PLEKHB2: variants seen among roughly 807,000 people sequenced by gnomAD.
PLEKHB2 encodes pleckstrin homology domain-containing family B member 2.
In PLEKHB2, 31 loss-of-function variants were observed where a neutral mutation model predicts 36.5. The observed-to-expected ratio is 0.85, with a 90% CI of 0.64 to 1.15. PLEKHB2 has a LOEUF of 1.15. Ranked by LOEUF, PLEKHB2 falls within the 50% of genes most tolerant of loss-of-function variation. The pLI is 0.00. For missense variants in PLEKHB2, 262 were observed against 295.3 expected (o/e 0.89, Z 0.83); for synonymous variants, 119 against 112.0 (o/e 1.06, Z -0.39).
intron 2 of PLEKHB2, among the ~76,000 whole-genome samples, chr2:131,121,651 G>T (rs1696531358): frequency 6.6e-6 from 1 of 152,214 alleles, no homozygotes. Flanking sequence ...CTTATCTGGG[G>T]ATTGAGCAGT....
At position 131,146,854 on chromosome 2, in the gene PLEKHB2, CA is replaced by C; in HGVS notation, c.*85del. 1 of 1,260,602 alleles carries C rather than the reference CA, an allele frequency of 7.9e-7. No individual in the cohort carries two copies. The highest frequency in any genetic ancestry group is 2.4e-5 in the East Asian group (1 of 40,818). The allele number at this position is 1,260,602 out of a possible 1,614,324, so 78.1% of individuals were successfully genotyped here. ...ATTTGCAGGGCATTTCTGTTTGTGA[CA>C]AAAGTTTTTAATAATAGTTTTAATC... is the stretch of plus-strand genomic sequence containing the variant. On this transcript the variant is annotated 3_prime_UTR_variant, in exon 8 of 8. Coordinates refer to ENST00000693505, the MANE Select transcript of PLEKHB2 (RefSeq NM_001100623.2).
chr2:131,132,762 T>A, intron 5 of PLEKHB2, 140 bp from the exon 6 acceptor site: 2 of 527,222 alleles, frequency 3.8e-6, no homozygotes, highest in South Asian at 3.4e-5. Flanking sequence ...ACTGGGGGAG[T>A]TTTTCCTGTT....
chr2:131,122,757 A>T (rs959326203), intron 2 of PLEKHB2, among the ~76,000 whole-genome samples: 1 of 152,320 alleles, frequency 6.6e-6, no homozygotes, highest in South Asian at 2.1e-4. Flanking sequence ...GCTGAACTGT[A>T]TGTCCCCTTG....
At chr2:131,145,954 G>A (rs1014698353) in intron 7 of PLEKHB2, among the ~76,000 whole-genome samples, 1 of 152,016 alleles carries the variant, frequency 6.6e-6, no homozygotes, top group Non-Finnish European at 1.5e-5. Flanking sequence ...AGGCCGACGC[G>A]GGTGGATTAC....
chr2:131,125,901 T>G lies in PLEKHB2; in HGVS notation c.186T>G (p.Cys62Trp). The change falls in exon 3 of 8, where the codon TGT becomes TGG. Residue 62 changes from cysteine to tryptophan, a missense_variant. Cys to Trp is a radical substitution (Grantham distance 215, BLOSUM62 -2). Coordinates refer to ENST00000693505, the MANE Select transcript of PLEKHB2 (RefSeq NM_001100623.2). Reference sequence around the variant, plus strand: ...TCAACATCCGCACGGGGCAGGAATGTCGGGGTAAGCTGGCCTGTCTTGGCC... The same window carrying G: ...TCAACATCCGCACGGGGCAGGAATGGCGGGGTAAGCTGGCCTGTCTTGGCC... ...DCINIRTGQE[C>W]RDTQPPDGKS... 6.2e-7 allele frequency: 1 copy of G among 1,612,272 alleles called. No homozygotes were observed. Among genetic ancestry groups the G allele is most frequent in the Non-Finnish European group, 8.5e-7 (1 of 1,179,560 alleles).
chr2:131,126,866 G>A, intron 4 of PLEKHB2, 80 bp downstream of exon 4: 2 of 813,826 alleles, frequency 2.5e-6, no homozygotes, highest in Admixed American at 4.4e-5. Context: ...TGAAAAGAAA[G>A]GGCGTGGAGT....
intron 3 of PLEKHB2, among the ~76,000 whole-genome samples, chr2:131,126,449 C>T (rs1299446459): frequency 6.6e-6 from 1 of 152,122 alleles, no homozygotes; most frequent in African/African-American, 2.4e-5. Flanking sequence ...TTGCTTGAAC[C>T]CGGGAGTCAG....
At chr2:131,137,169 G>A (rs991408244) in intron 6 of PLEKHB2, among the ~76,000 whole-genome samples, 2 of 149,000 alleles carry the variant, frequency 1.3e-5, no homozygotes, top group Non-Finnish European at 2.9e-5. Flanking sequence ...GGACGGTCTC[G>A]ATCTCCTGAC....
At chr2:131,131,512 G>A (rs984642296) in intron 5 of PLEKHB2, among the ~76,000 whole-genome samples, 1 of 152,164 alleles carries the variant, frequency 6.6e-6, no homozygotes, top group African/African-American at 2.4e-5. Flanking sequence ...ATCTGTCAGT[G>A]ATCAAGGGAG....
intron 1 of PLEKHB2, among the ~76,000 whole-genome samples, chr2:131,110,133 T>C (rs1328884210): frequency 2.6e-5 from 4 of 152,074 alleles, no homozygotes; most frequent in Non-Finnish European, 4.4e-5. Flanking sequence ...AAAATAGTAT[T>C]TTATCTTTGT....
At chr2:131,133,147 A>G (rs1697890083) in intron 6 of PLEKHB2, 156 bp downstream of exon 6, 1 of 611,490 alleles carries the variant, frequency 1.6e-6, no homozygotes, top group Non-Finnish European at 3.0e-6. Context: ...CATGAAATGA[A>G]GCAACTATTT....
intron 1 of PLEKHB2, among the ~76,000 whole-genome samples, chr2:131,106,054 C>G (rs928436076): frequency 6.6e-6 from 1 of 152,156 alleles, no homozygotes; most frequent in African/African-American, 2.4e-5. Context: ...GCTTGGTGTA[C>G]CTTATCTTAC....
At chr2:131,106,057 T>C (rs1211274246) in intron 1 of PLEKHB2, among the ~76,000 whole-genome samples, 1 of 152,172 alleles carries the variant, frequency 6.6e-6, no homozygotes, top group African/African-American at 2.4e-5. Flanking sequence ...TGGTGTACCT[T>C]ATCTTACATA....
At chr2:131,122,942 C>T (rs1010856582) in intron 2 of PLEKHB2, among the ~76,000 whole-genome samples, 5 of 152,156 alleles carry the variant, frequency 3.3e-5, no homozygotes, top group Admixed American at 2.0e-4. Context: ...GGTGTGCCCT[C>T]CTTTGGCCCT....
At chr2:131,141,089 C>T (rs1221591349) in intron 7 of PLEKHB2, among the ~76,000 whole-genome samples, 1 of 152,134 alleles carries the variant, frequency 6.6e-6, no homozygotes. Flanking sequence ...GTACCAGAAA[C>T]GTGGGTCACT....
intron 6 of PLEKHB2, among the ~76,000 whole-genome samples, chr2:131,139,555 C>T (rs1381445858): frequency 6.6e-6 from 1 of 152,160 alleles, no homozygotes. Context: ...CAAGGAAGGC[C>T]AGTCTTTGAT....
intron 6 of PLEKHB2, among the ~76,000 whole-genome samples, chr2:131,139,651 G>A (rs1428909284): frequency 6.6e-6 from 1 of 152,172 alleles, no homozygotes; most frequent in Non-Finnish European, 1.5e-5. Context: ...TTTCATAGGT[G>A]TGTGCAGCCA....
chr2:131,132,530 G>A lies in PLEKHB2; in HGVS notation c.334-372G>A, dbSNP rs956163610. On this transcript the variant is annotated intron_variant, in intron 5 of 7. Coordinates refer to ENST00000693505, the MANE Select transcript of PLEKHB2 (RefSeq NM_001100623.2). ...CCTAGGCTGGCCTTGGAACTCCTGG[G>A]CTCTAGTGATCCTCTCACCCAGCCT... Among the ~76,000 whole-genome samples, 8 of 152,044 alleles carry A rather than the reference G, an allele frequency of 5.3e-5. No homozygotes were observed. The East Asian group carries it at 1.5e-3, about 29-fold the overall frequency.
At chr2:131,131,488 G>C (rs960676785) in intron 5 of PLEKHB2, among the ~76,000 whole-genome samples, 1 of 152,096 alleles carries the variant, frequency 6.6e-6, no homozygotes, top group Non-Finnish European at 1.5e-5. Context: ...GTAGAGCCTC[G>C]TAATGCTGTC....
Sources: gnomAD v4.1 joint callset for allele counts (sites outside exome capture counted in the v4.1 genomes callset) on GRCh38, gnomAD v4.1.1 for gene constraint, MANE v1.5 for transcripts, NCBI Gene and HGNC (gene_info 2026-07-23, HGNC 2026-07-21) for gene names.